The following BCAS3 variants were observed in gnomAD, a reference collection of about 807,000 sequenced individuals.
The protein encoded by BCAS3 is BCAS3 microtubule associated cell migration factor.
Under a neutral mutation model 116.1 loss-of-function variants are expected in BCAS3, and 53 were observed. The ratio of observed to expected loss-of-function variants is 0.46; its 90% CI spans 0.37 to 0.57. BCAS3 has a LOEUF of 0.57. Ranked by LOEUF, BCAS3 falls within the 20% of genes least tolerant of loss-of-function variation. BCAS3 has a pLI of 0.00. For missense variants in BCAS3, 917 were observed against 1,165.4 expected, an observed-to-expected ratio of 0.79 and a Z score of 3.10; for synonymous variants, 391 against 408.2, an observed-to-expected ratio of 0.96 and a Z score of 0.51.
intron 14 of BCAS3, among the ~76,000 whole-genome samples, chr17:60,948,656 A>G (rs1211505024): frequency 6.6e-6 from 1 of 152,188 alleles, no homozygotes; most frequent in Non-Finnish European, 1.5e-5. Context: ...ATAAATGACT[A>G]TAATGGATTG....
intron 22 of BCAS3, among the ~76,000 whole-genome samples, chr17:61,338,888 GAAAAAAAAAAAAAAA>G (rs57701817): frequency 0.19 from 12,966 of 67,938 alleles, 940 homozygotes; most frequent in African/African-American, 0.27. Context: ...CCCTTACTGG[GAAAAAAAAAAAAAAA>G]AAAAAAAAAA....
Position 61,368,765 on chromosome 17 carries a change from T to A in BCAS3, c.2593+271T>A, listed in dbSNP as rs1014874466. 2.0e-5 allele frequency among the ~76,000 whole-genome samples: 3 copies of A among 152,190 alleles called. No individual in the cohort carries two copies. The stretch of plus-strand genomic sequence containing the variant: ...TGCAAGTGGCTCCCAGAAGGACACT[T>A]TCCTCCTTTGGGGGTGTCCCCACGT... On this transcript the variant is annotated intron_variant, in intron 23 of 23. Transcript: ENST00000407086. This position sits in a 1 kb window ranked among gnomAD's most constrained non-coding sequence, Gnocchi z 6.0.
rs938377226 is a variant in BCAS3 at position 61,315,317 on chromosome 17, G to T, written c.2426-53010G>T. On this transcript the variant is annotated intron_variant, in intron 22 of 23. Coordinates refer to ENST00000407086, the MANE Select transcript of BCAS3 (RefSeq NM_017679.5). The surrounding 1 kb of genome is among the most constrained non-coding windows in gnomAD (Gnocchi z 5.3). Reference sequence around the variant, plus strand: ...TTTAGTAGAGACAGGGTTTCACCATGTTGGCCTGGATGGATGGTCTCAAAC... The same window carrying T: ...TTTAGTAGAGACAGGGTTTCACCATTTTGGCCTGGATGGATGGTCTCAAAC... Among the ~76,000 whole-genome samples, 1 of 152,042 alleles carries T rather than the reference G, an allele frequency of 6.6e-6. No individual in the cohort carries two copies. Among genetic ancestry groups the T allele is most frequent in the South Asian group, 2.1e-4 (1 of 4,818 alleles).
chr17:60,780,558 C>T (rs1281119995), intron 6 of BCAS3, among the ~76,000 whole-genome samples: 1 of 152,006 alleles, frequency 6.6e-6, no homozygotes, highest in Non-Finnish European at 1.5e-5. Flanking sequence ...CTGCCTTAGC[C>T]CCCCAAAGTG....
At chr17:60,949,179 G>A (rs2889993) in intron 14 of BCAS3, among the ~76,000 whole-genome samples, 3 of 151,810 alleles carry the variant, frequency 2.0e-5, no homozygotes, top group Non-Finnish European at 4.4e-5. Flanking sequence ...CCAGCCTCAC[G>A]GAAATATTCT....
rs993726398 is a variant in BCAS3 at position 61,276,079 on chromosome 17, G to A, written c.2426-92248G>A. ...AAAATCACTTGTGTTGGCCGGGTGCGGTGGCTCACGCGTGTAATCTCAGCA... is the reference window on the plus strand; with the variant it reads ...AAAATCACTTGTGTTGGCCGGGTGCAGTGGCTCACGCGTGTAATCTCAGCA... On this transcript the variant is annotated intron_variant, in intron 22 of 23. Coordinates refer to ENST00000407086, the MANE Select transcript of BCAS3 (RefSeq NM_017679.5). The surrounding 1 kb of genome is among the most constrained non-coding windows in gnomAD (Gnocchi z 4.2). 6.6e-6 allele frequency among the ~76,000 whole-genome samples: 1 copy of A among 152,016 alleles called. No individual in the cohort carries two copies.
intron 7 of BCAS3, among the ~76,000 whole-genome samples, chr17:60,816,890 A>G (rs2049473997): frequency 6.6e-6 from 1 of 152,116 alleles, no homozygotes; most frequent in Non-Finnish European, 1.5e-5. Context: ...GTTATAACTG[A>G]TCTTAGGGTT....
intron 22 of BCAS3, among the ~76,000 whole-genome samples, chr17:61,133,660 A>T (rs1243771236): frequency 6.6e-6 from 1 of 152,000 alleles, no homozygotes; most frequent in Non-Finnish European, 1.5e-5. Context: ...GCATACTGTT[A>T]TTTATTTTTC....
At position 61,368,515 on chromosome 17, in the gene BCAS3, C is replaced by A; in HGVS notation, c.2593+21C>A. ...AACAGGTAAAGGTGTCATCAGACTT[C>A]TAGCCTGATTTGGTCAGGACCAGCA... On this transcript the variant is annotated intron_variant, in intron 23 of 23. Coordinates refer to ENST00000407086, the MANE Select transcript of BCAS3 (RefSeq NM_017679.5). This position sits in a 1 kb window ranked among gnomAD's most constrained non-coding sequence, Gnocchi z 6.0. 1.3e-6 allele frequency: 2 copies of A among 1,579,850 alleles called. No individual in the cohort carries two copies. The highest frequency in any genetic ancestry group is 1.7e-6 in the Non-Finnish European group (2 of 1,154,170).
At chr17:61,304,921 T>A (rs961182445) in intron 22 of BCAS3, among the ~76,000 whole-genome samples, 1 of 151,862 alleles carries the variant, frequency 6.6e-6, no homozygotes, top group East Asian at 1.9e-4. Flanking sequence ...GCCCAGCTAA[T>A]TTTTTTTGTA....
At chr17:61,187,634 G>T (rs1018121256) in intron 22 of BCAS3, among the ~76,000 whole-genome samples, 8 of 152,116 alleles carry the variant, frequency 5.3e-5, no homozygotes, top group Non-Finnish European at 8.8e-5. Context: ...TTGCTCATTG[G>T]CAGTATAAAG....
chr17:60,740,775 C>T (rs1370409797), intron 5 of BCAS3, among the ~76,000 whole-genome samples: 1 of 152,090 alleles, frequency 6.6e-6, no homozygotes, highest in Admixed American at 6.6e-5. Context: ...GATATAACCC[C>T]AGCAAGTTAG....
chr17:60,947,120 C>T (rs2145246670), intron 13 of BCAS3, 99 bp from the exon 14 acceptor site: 40 of 1,189,908 alleles, frequency 3.4e-5, no homozygotes, highest in East Asian at 2.0e-4. Context: ...TAATTTTTTT[C>T]CCATTGGTAA....
intron 7 of BCAS3, among the ~76,000 whole-genome samples, chr17:60,825,208 C>A (rs1351481730): frequency 6.6e-6 from 1 of 151,474 alleles, no homozygotes; most frequent in Non-Finnish European, 1.5e-5. Context: ...CTTATGTGCA[C>A]CTTGCTTGCT....
At chr17:60,698,798 G>A (rs1247201695) in intron 4 of BCAS3, among the ~76,000 whole-genome samples, 3 of 152,204 alleles carry the variant, frequency 2.0e-5, no homozygotes, top group Non-Finnish European at 4.4e-5. Context: ...GCTCACGCCT[G>A]TAATCCCAGC....
At chr17:60,827,416 C>A (rs2050528135) in intron 7 of BCAS3, among the ~76,000 whole-genome samples, 2 of 152,162 alleles carry the variant, frequency 1.3e-5, no homozygotes, top group Non-Finnish European at 2.9e-5. Flanking sequence ...CCCAGCTTAT[C>A]TGGTGCTTGT....
chr17:60,701,981 TAAAA>T (rs1251438503), intron 4 of BCAS3, among the ~76,000 whole-genome samples: 4 of 151,202 alleles, frequency 2.6e-5, no homozygotes, highest in East Asian at 1.9e-4. Context: ...GTCAAAAAAA[TAAAA>T]AAAGAAAGAA....
chr17:61,236,385 T>C (rs2083060519), intron 22 of BCAS3, among the ~76,000 whole-genome samples: 2 of 152,216 alleles, frequency 1.3e-5, no homozygotes, highest in Non-Finnish European at 2.9e-5. Context: ...AGCGGTGTGA[T>C]CTCAGCTCAC....
chr17:61,295,789 T>TAA (rs763805941), intron 22 of BCAS3, among the ~76,000 whole-genome samples: 1 of 133,544 alleles, frequency 7.5e-6, no homozygotes, highest in African/African-American at 2.8e-5. Flanking sequence ...CCGTCTCTAC[T>TAA]AAAAAAAAAA....
Sources: allele counts gnomAD v4.1 joint callset (sites outside exome capture counted in the v4.1 genomes callset), GRCh38; gene constraint gnomAD v4.1.1; non-coding constraint Gnocchi (gnomAD v3.1); transcripts MANE v1.5; gene names NCBI Gene and HGNC (gene_info 2026-07-23, HGNC 2026-07-21).